Variants in ZBTB20 observed in about 807,000 individuals in gnomAD.
The protein encoded by ZBTB20 is zinc finger and BTB domain-containing protein 20.
Under a neutral mutation model 56.9 loss-of-function variants are expected in ZBTB20, and 9 were observed. The observed-to-expected ratio is 0.16, with a 90% CI of 0.10 to 0.28. The LOEUF is 0.28. ZBTB20 is among the 10% of genes least tolerant of loss of function. The probability of loss-of-function intolerance (pLI) is 1.00; values close to 1 mark genes in which losing one functional copy is unlikely to be tolerated. For missense variants in ZBTB20, 655 were observed against 1,003.0 expected (o/e 0.65, Z 4.69); for synonymous variants, 417 against 420.7 (o/e 0.99, Z 0.11).
chr3:114,362,813 T>C (rs1406105724), intron 10 of ZBTB20, among the ~76,000 whole-genome samples: 3 of 152,184 alleles, frequency 2.0e-5, no homozygotes, highest in African/African-American at 2.4e-5. Flanking sequence ...TATGATGTGA[T>C]AGAAAAATGA....
chr3:114,695,210 T>C (rs1379877016), intron 5 of ZBTB20, among the ~76,000 whole-genome samples: 2 of 152,074 alleles, frequency 1.3e-5, no homozygotes, highest in Non-Finnish European at 1.5e-5. Context: ...CAAAGACTTA[T>C]GAAAAATTCG....
rs1231904561 is a variant in ZBTB20, at chr3:114,328,278, A to C, written c.*10727T>G. On this transcript the variant is annotated 3_prime_UTR_variant, in exon 12 of 12. Coordinates refer to ENST00000675478, the MANE Select transcript of ZBTB20 (RefSeq NM_001348800.3). Reference sequence around the variant, plus strand: ...AAAAAAACTCTTCCTAATTTTTCCTACAATGTGTTCAAGTGGATGTGGCTT... The same window carrying C: ...AAAAAAACTCTTCCTAATTTTTCCTCCAATGTGTTCAAGTGGATGTGGCTT... 6.6e-6 allele frequency: 1 copy of C among 152,048 alleles called. No homozygotes were observed. Among genetic ancestry groups the C allele is most frequent in the African/African-American group, 2.4e-5 (1 of 41,376 alleles). 9.4% of individuals were successfully genotyped at this position (152,048 alleles called of 1,614,324 possible).
At chr3:114,804,066 C>T (rs1405782942) in intron 4 of ZBTB20, among the ~76,000 whole-genome samples, 1 of 151,860 alleles carries the variant, frequency 6.6e-6, no homozygotes, top group African/African-American at 2.4e-5. Flanking sequence ...ATACAAAATC[C>T]GGAAGAATGC....
At chr3:114,987,926 T>G (rs2078616497) in intron 2 of ZBTB20, among the ~76,000 whole-genome samples, 2 of 152,118 alleles carry the variant, frequency 1.3e-5, no homozygotes, top group South Asian at 4.1e-4. Context: ...TCTGCATCAC[T>G]GAAAAGAATT....
chr3:114,397,589 T>C (rs2086445096), intron 7 of ZBTB20, among the ~76,000 whole-genome samples: 1 of 139,872 alleles, frequency 7.1e-6, no homozygotes, highest in Non-Finnish European at 1.6e-5. Context: ...TTTTTTTTTG[T>C]CCCGCATTCA....
intron 2 of ZBTB20, among the ~76,000 whole-genome samples, chr3:115,065,544 T>G (rs2082176684): frequency 6.6e-6 from 1 of 152,200 alleles, no homozygotes; most frequent in African/African-American, 2.4e-5. Context: ...CTCAAAATTT[T>G]TAGTCCCTTA....
chr3:114,538,570 A>G (rs150909066), intron 6 of ZBTB20, among the ~76,000 whole-genome samples: 1 of 152,206 alleles, frequency 6.6e-6, no homozygotes, highest in Non-Finnish European at 1.5e-5. Context: ...ACCCTACTCT[A>G]TTTCACAGTA....
rs2079565529 is a variant in ZBTB20, at chr3:114,339,037, C to T, written c.2194G>A (p.Asp732Asn). ...AKFDQIEQFN[D>N]HMRMHVSDG ...TCAGACACATGCATCCTCATGTGGT[C>T]GTTGAACTGCTCGATTTGGTCAAAC... Residue 732 changes from aspartate (D) to asparagine (N), a missense_variant, in exon 12 of 12, where the codon GAC becomes AAC. Coordinates refer to ENST00000675478, the MANE Select transcript of ZBTB20 (RefSeq NM_001348800.3). The surrounding 1 kb of genome is among the most constrained non-coding windows in gnomAD (Gnocchi z 4.2). 3.3e-6 allele frequency: 5 copies of T among 1,535,972 alleles called. No homozygotes were observed. Among genetic ancestry groups the T allele is most frequent in the Non-Finnish European group, 4.4e-6 (5 of 1,140,804 alleles).
chr3:114,739,279 G>A (rs1036222799), intron 5 of ZBTB20, among the ~76,000 whole-genome samples: 21 of 152,102 alleles, frequency 1.4e-4, no homozygotes, highest in Non-Finnish European at 2.9e-5. Context: ...CAGTCTTAAG[G>A]CAAAACCTTT....
intron 10 of ZBTB20, among the ~76,000 whole-genome samples, chr3:114,374,354 A>G (rs1439297976): frequency 6.6e-6 from 1 of 152,220 alleles, no homozygotes; most frequent in Admixed American, 6.5e-5. Flanking sequence ...TGTACCAAAG[A>G]CACTCTATTA....
chr3:114,600,577 T>C (rs1198922562), intron 6 of ZBTB20, among the ~76,000 whole-genome samples: 2 of 152,062 alleles, frequency 1.3e-5, no homozygotes, highest in African/African-American at 4.8e-5. Flanking sequence ...CACTGTGCTC[T>C]ATTTACTCTG....
At position 114,749,131 on chromosome 3, in the gene ZBTB20, A is replaced by G. The variant is rs78861460; in HGVS notation, c.-343+51970T>C. On this transcript the variant is annotated intron_variant, in intron 5 of 11. Coordinates refer to ENST00000675478, the MANE Select transcript of ZBTB20 (RefSeq NM_001348800.3). ...GACAATAACATGTCCTCCAAAACCAAAGGGAAAATCAAAGGATGTTGCCTA... is the reference window on the plus strand; with the variant it reads ...GACAATAACATGTCCTCCAAAACCAGAGGGAAAATCAAAGGATGTTGCCTA... Among the ~76,000 whole-genome samples, 84 of 152,326 alleles carry G rather than the reference A, an allele frequency of 5.5e-4. No individual in the cohort carries two copies. The East Asian group carries it at 0.015, about 28-fold the overall frequency.
chr3:114,560,477 A>G (rs960634545), intron 6 of ZBTB20, among the ~76,000 whole-genome samples: 1 of 152,140 alleles, frequency 6.6e-6, no homozygotes, highest in Non-Finnish European at 1.5e-5. Context: ...GAGATCAGGA[A>G]AGTCAGATGA....
At chr3:114,608,599 A>G (rs1212589886) in intron 6 of ZBTB20, among the ~76,000 whole-genome samples, 1 of 152,210 alleles carries the variant, frequency 6.6e-6, no homozygotes, top group Non-Finnish European at 1.5e-5. Flanking sequence ...ATAGCAAACC[A>G]TAAACTCCTA....
intron 10 of ZBTB20, among the ~76,000 whole-genome samples, chr3:114,364,038 C>T (rs2082143937): frequency 6.8e-6 from 1 of 146,166 alleles, no homozygotes; most frequent in South Asian, 2.3e-4. Flanking sequence ...TTAGCTAATC[C>T]TTTCCCAAAA....
chr3:114,980,017 G>A (rs2078266733), intron 2 of ZBTB20, among the ~76,000 whole-genome samples: 1 of 151,898 alleles, frequency 6.6e-6, no homozygotes, highest in South Asian at 2.1e-4. Flanking sequence ...CTTGCTCTTA[G>A]GTATTTCAGG....
rs561616926 is a variant in ZBTB20, at chr3:114,676,548, G to A, written c.-295+16980C>T. ...ATATGAATCTTTTTTGTCTCGTGTA[G>A]GGGTTCCCAAATGTTCAGTATGTTG... On this transcript the variant is annotated intron_variant, in intron 6 of 11. Transcript: ENST00000675478. 2.6e-5 allele frequency among the ~76,000 whole-genome samples: 4 copies of A among 151,936 alleles called. No individual in the cohort carries two copies. In the East Asian group the frequency reaches 7.7e-4, roughly 29 times the overall value.
intron 7 of ZBTB20, among the ~76,000 whole-genome samples, chr3:114,406,397 T>C (rs929711964): frequency 7.9e-5 from 12 of 152,154 alleles, no homozygotes; most frequent in East Asian, 5.8e-4. Context: ...ATCTGGAGAA[T>C]AGAACTTGCA....
At chr3:114,469,836 A>T (rs2039917975) in intron 7 of ZBTB20, among the ~76,000 whole-genome samples, 1 of 152,176 alleles carries the variant, frequency 6.6e-6, no homozygotes, top group Non-Finnish European at 1.5e-5. Context: ...ACAGCATGTT[A>T]TTTCATTTGC....
Sources: gnomAD v4.1 joint callset for allele counts (sites outside exome capture counted in the v4.1 genomes callset) on GRCh38, gnomAD v4.1.1 for gene constraint, Gnocchi (gnomAD v3.1) non-coding constraint, MANE v1.5 for transcripts, NCBI Gene and HGNC (gene_info 2026-07-23, HGNC 2026-07-21) for gene names.